DPP6: variants seen among roughly 807,000 people sequenced by gnomAD.
The protein encoded by DPP6 is dipeptidyl peptidase like 6, also known as A-type potassium channel modulatory protein DPP6.
Under a neutral mutation model 122.6 loss-of-function variants are expected in DPP6, and 69 were observed. The ratio of observed to expected loss-of-function variants is 0.56; its 90% CI spans 0.46 to 0.69. The LOEUF (loss-of-function observed/expected upper bound fraction) is 0.69, where lower values mean the gene tolerates loss of function less well. Among genes scored for constraint, DPP6 ranks in the 30% least tolerant of loss-of-function variants. The pLI, the probability that DPP6 is intolerant of heterozygous loss-of-function variation, is 0.00. For missense variants in DPP6, 928 were observed against 1,116.9 expected (o/e 0.83, Z 2.41); for synonymous variants, 418 against 433.1 (o/e 0.97, Z 0.43).
At chr7:153,784,745 G>A in the DPP6 span, among the ~76,000 whole-genome samples, 2 of 152,116 alleles carry the variant, frequency 1.3e-5, no homozygotes, top group African/African-American at 2.4e-5. Flanking sequence ...AAAAAAGACT[G>A]GTGGGTTTTC....
chr7:154,348,391 G>A (rs1810571997), intron 1 of DPP6, among the ~76,000 whole-genome samples: 1 of 152,180 alleles, frequency 6.6e-6, no homozygotes, highest in African/African-American at 2.4e-5. Context: ...CTACAGAAAT[G>A]AAAGTCTTAA....
chr7:153,825,896 C>T, the DPP6 span, among the ~76,000 whole-genome samples: 2 of 152,120 alleles, frequency 1.3e-5, no homozygotes, highest in African/African-American at 4.8e-5. Context: ...GTCTAACTTA[C>T]TGTCAGGTTC....
At chr7:154,164,048 TC>T (rs1797111391) in intron 1 of DPP6, among the ~76,000 whole-genome samples, 1 of 152,192 alleles carries the variant, frequency 6.6e-6, no homozygotes, top group Admixed American at 6.5e-5. Flanking sequence ...AGTGTGGTGT[TC>T]TGCCTGGCCC....
chr7:154,759,672 G>T (rs374401122), intron 8 of DPP6, among the ~76,000 whole-genome samples: 1 of 152,166 alleles, frequency 6.6e-6, no homozygotes, highest in Admixed American at 6.5e-5. Context: ...TCCACAGTGC[G>T]CAGGCCAGAA....
At chr7:154,055,089 G>GGT (rs1412696935) in intron 1 of DPP6, among the ~76,000 whole-genome samples, 1 of 89,398 alleles carries the variant, frequency 1.1e-5, no homozygotes, top group Non-Finnish European at 2.3e-5. Context: ...GTCCTGACAT[G>GGT]CTTTTTTTTT....
At chr7:154,878,305 G>T (rs1337845198) in intron 20 of DPP6, among the ~76,000 whole-genome samples, 2 of 152,244 alleles carry the variant, frequency 1.3e-5, no homozygotes, top group Non-Finnish European at 2.9e-5. Context: ...AAGAAGGAAT[G>T]GGCCCAACCA....
chr7:154,029,420 A>G (rs565259022), intron 1 of DPP6, among the ~76,000 whole-genome samples: 28 of 149,510 alleles, frequency 1.9e-4, no homozygotes, highest in East Asian at 1.2e-3. Context: ...GGGAGGCTGA[A>G]GCAGGAGCAT....
At chr7:154,280,860 G>A (rs1804456689) in intron 1 of DPP6, among the ~76,000 whole-genome samples, 1 of 152,116 alleles carries the variant, frequency 6.6e-6, no homozygotes, top group Admixed American at 6.5e-5. Context: ...ATCCCACGAG[G>A]TAACCATTGT....
chr7:154,293,757 A>T (rs1414098637), intron 1 of DPP6, among the ~76,000 whole-genome samples: 4 of 152,230 alleles, frequency 2.6e-5, no homozygotes, highest in Admixed American at 1.3e-4. Flanking sequence ...TTTGCAGATG[A>T]TGAGTTGCCT....
At chr7:154,559,662 C>T (rs1830282415) in intron 4 of DPP6, among the ~76,000 whole-genome samples, 1 of 152,022 alleles carries the variant, frequency 6.6e-6, no homozygotes, top group Admixed American at 6.6e-5. Flanking sequence ...AACAGAGGTG[C>T]TGCGAGCCAG....
At chr7:154,712,849 A>G (rs1344616443) in intron 7 of DPP6, among the ~76,000 whole-genome samples, 3 of 152,178 alleles carry the variant, frequency 2.0e-5, no homozygotes, top group Non-Finnish European at 4.4e-5. Flanking sequence ...CCCAAATCTC[A>G]TGTCCTCACA....
intron 2 of DPP6, among the ~76,000 whole-genome samples, chr7:154,448,720 C>T (rs1422344494): frequency 2.0e-5 from 3 of 152,152 alleles, no homozygotes; most frequent in Non-Finnish European, 4.4e-5. Flanking sequence ...TAGGTATAGA[C>T]ATATGGATCA....
chr7:154,422,671 T>C (rs1237754807), intron 1 of DPP6, among the ~76,000 whole-genome samples: 4 of 127,098 alleles, frequency 3.1e-5, no homozygotes, highest in Non-Finnish European at 6.5e-5. Context: ...GATGGGTGGG[T>C]GGATGGGTGG....
At chr7:154,627,189 CTTTTTTT>C (rs61163075) in intron 5 of DPP6, among the ~76,000 whole-genome samples, 4 of 103,446 alleles carry the variant, frequency 3.9e-5, no homozygotes, top group Admixed American at 2.3e-4. Context: ...ATTTTTTTTC[CTTTTTTT>C]TTTTTTTTTT....
At chr7:154,199,392 C>T (rs575250606) in intron 1 of DPP6, among the ~76,000 whole-genome samples, 38 of 152,276 alleles carry the variant, frequency 2.5e-4, no homozygotes, top group African/African-American at 8.9e-4. Flanking sequence ...CTGGTTTCCA[C>T]TATTCCCTAG....
chr7:154,676,780 C>T (rs1838939137), intron 7 of DPP6, among the ~76,000 whole-genome samples: 1 of 152,224 alleles, frequency 6.6e-6, no homozygotes, highest in Non-Finnish European at 1.5e-5. Context: ...GAAAACGAGT[C>T]CCTTTTAAGC....
chr7:154,804,987 AC>A, intron 15 of DPP6, 23 bp downstream of exon 15: 2 of 1,586,950 alleles, frequency 1.3e-6, no homozygotes, highest in East Asian at 4.6e-5. Flanking sequence ...CCCCCTGCAC[AC>A]AGGGCTCTCC....
At chr7:153,928,108 C>T (rs1436762172) in intron 1 of DPP6, among the ~76,000 whole-genome samples, 3 of 134,662 alleles carry the variant, frequency 2.2e-5, no homozygotes, top group African/African-American at 7.5e-5. Flanking sequence ...CACTGGGTAG[C>T]TTAAAAACAG....
At chr7:154,139,595 G>T (rs995142210) in intron 1 of DPP6, among the ~76,000 whole-genome samples, 1 of 151,906 alleles carries the variant, frequency 6.6e-6, no homozygotes, top group African/African-American at 2.4e-5. Context: ...AGCCATCGCA[G>T]TGGGTCAGGG....
Sources: gnomAD v4.1 joint callset for allele counts (sites outside exome capture counted in the v4.1 genomes callset) on GRCh38, gnomAD v4.1.1 for gene constraint, MANE v1.5 for transcripts, NCBI Gene and HGNC (gene_info 2026-07-23, HGNC 2026-07-21) for gene names.